SAMD15: variants seen among roughly 807,000 people sequenced by gnomAD.
SAMD15 encodes sterile alpha motif domain-containing protein 15.
A neutral mutation model predicts 50.5 loss-of-function variants in SAMD15; 37 were observed. That is an observed-to-expected ratio of 0.73 (90% CI 0.56 to 0.96). The LOEUF (loss-of-function observed/expected upper bound fraction) is 0.96, where lower values mean the gene tolerates loss of function less well. Among genes scored for constraint, SAMD15 ranks in the 40% least tolerant of loss-of-function variants. The probability of loss-of-function intolerance (pLI) is 0.00; values close to 1 mark genes in which losing one functional copy is unlikely to be tolerated. For synonymous variants in SAMD15, 255 were observed against 282.8 expected, an observed-to-expected ratio of 0.90 and a Z score of 0.99; for missense variants, 789 against 783.8, an observed-to-expected ratio of 1.01 and a Z score of -0.08.
At chr14:77,384,718 G>A (rs112845578) in intron 2 of SAMD15, among the ~76,000 whole-genome samples, 14 of 152,230 alleles carry the variant, frequency 9.2e-5, no homozygotes, top group African/African-American at 3.4e-4. Context: ...TCAGAGGATG[G>A]TATTTAGAAA....
Position 77,378,949 on chromosome 14 carries a change from A to C in SAMD15, c.1531A>C (p.Lys511Gln). 1 of 1,614,170 alleles carries C rather than the reference A, an allele frequency of 6.2e-7. No homozygotes were observed. The highest frequency in any genetic ancestry group is 2.2e-5 in the East Asian group (1 of 44,878). Residue 511 changes from lysine (K) to glutamine (Q), a missense_variant, in exon 1 of 3, where the codon AAG becomes CAG. Lys to Gln is a moderately conservative substitution (Grantham distance 53). This residue lies in a region of SAMD15 where 770 missense variants were observed against 745.4 expected (regional missense o/e 1.03). Coordinates refer to ENST00000216471, the MANE Select transcript of SAMD15 (RefSeq NM_001010860.4). The stretch of plus-strand genomic sequence containing the variant: ...AGAATTAAGTGAGTTCGTTCATGAA[A>C]AGGAAGTTGTAGATTTGTCCCAAGA... ...QTELSEFVHE[K>Q]EVVDLSQELK...
intron 1 of SAMD15, among the ~76,000 whole-genome samples, chr14:77,379,741 G>A (rs1012671014): frequency 1.3e-5 from 2 of 152,148 alleles, no homozygotes; most frequent in Non-Finnish European, 2.9e-5. Context: ...TTTGTTCAAG[G>A]TAGGCTTTTT....
At chr14:77,383,873 A>C (rs1285646758) in intron 2 of SAMD15, among the ~76,000 whole-genome samples, 1 of 151,284 alleles carries the variant, frequency 6.6e-6, no homozygotes, top group Admixed American at 6.6e-5. Context: ...GGGAGGCTGA[A>C]GCAGGCGAAT....
chr14:77,379,071 A>C lies in SAMD15; in HGVS notation c.1653A>C (p.Ala551=). The C allele has an allele frequency of 6.2e-7, 1 of 1,613,886 alleles. No homozygotes were observed. The highest frequency in any genetic ancestry group is 8.5e-7 in the Non-Finnish European group (1 of 1,179,732). ...TTAATTGGGATCCAGAGGAAGTTGCAGAGTGGATTAGCCAGCTAGGCTTCC... is the reference window on the plus strand; with the variant it reads ...TTAATTGGGATCCAGAGGAAGTTGCCGAGTGGATTAGCCAGCTAGGCTTCC... ...EHLNWDPEEV[A]EWISQLGFPQ... is the part of the protein sequence containing the mutation. Residue 551 remains alanine (A), a synonymous_variant, in exon 1 of 3, where the codon GCA becomes GCC. Transcript: ENST00000216471.
intron 2 of SAMD15, among the ~76,000 whole-genome samples, chr14:77,386,178 T>C (rs1364327280): frequency 6.6e-6 from 1 of 152,068 alleles, no homozygotes; most frequent in East Asian, 1.9e-4. Context: ...TTTTTAAAAG[T>C]TTGCATGCAG....
chr14:77,389,496 A>ATTTT (rs768983521), intron 2 of SAMD15, among the ~76,000 whole-genome samples: 15,452 of 111,366 alleles, frequency 0.14, 1,557 homozygotes, highest in Admixed American at 0.21. Context: ...GGCAATCACA[A>ATTTT]TTTTTTTTTT....
rs1009147550 is a variant in SAMD15 at position 77,378,839 on chromosome 14, C to A, written c.1421C>A (p.Thr474Lys). ...AGAGAAAGTGAAGAATCAATTGGTA[C>A]ACATTATGAGTTTTTGCAACCACTC... ...SLRESEESIG[T>K]HYEFLQPLQK... Residue 474 changes from threonine to lysine, a missense_variant, in exon 1 of 3, where the codon ACA (threonine) becomes AAA (lysine). This residue lies in a region of SAMD15 where 770 missense variants were observed against 745.4 expected (regional missense o/e 1.03). Coordinates refer to ENST00000216471, the MANE Select transcript of SAMD15 (RefSeq NM_001010860.4). 6.2e-7 allele frequency: 1 copy of A among 1,613,904 alleles called. No homozygotes were observed. The highest frequency in any genetic ancestry group is 8.5e-7 in the Non-Finnish European group (1 of 1,179,938).
chr14:77,389,905 C>T (rs1053664382), intron 2 of SAMD15, among the ~76,000 whole-genome samples: 3 of 152,122 alleles, frequency 2.0e-5, no homozygotes, highest in Admixed American at 6.5e-5. Flanking sequence ...TTTTAGAATA[C>T]ACAAGTATAA....
chr14:77,378,334 G>A lies in SAMD15; in HGVS notation c.916G>A (p.Glu306Lys), dbSNP rs369178842. 12 of 1,612,702 alleles carry A rather than the reference G, an allele frequency of 7.4e-6. No homozygotes were observed. The highest frequency in any genetic ancestry group is 1.7e-5 in the Admixed American group (1 of 59,566). ...ATEEKGTELP[E>K]RTKPDFPDHK... ...TGAGGAGAAAGGGACAGAACTACCTGAGCGGACTAAACCAGACTTTCCAGA... is the reference window on the plus strand; with the variant it reads ...TGAGGAGAAAGGGACAGAACTACCTAAGCGGACTAAACCAGACTTTCCAGA... Residue 306 changes from glutamate to lysine, a missense_variant, in exon 1 of 3, where the codon GAG becomes AAG. Physicochemically the swap from Glu to Lys is moderately conservative, Grantham distance 56. This residue lies in a region of SAMD15 where 770 missense variants were observed against 745.4 expected (regional missense o/e 1.03). Coordinates refer to ENST00000216471, the MANE Select transcript of SAMD15 (RefSeq NM_001010860.4).
At chr14:77,382,071 G>A (rs1199104824) in intron 2 of SAMD15, among the ~76,000 whole-genome samples, 2 of 151,690 alleles carry the variant, frequency 1.3e-5, no homozygotes, top group Non-Finnish European at 2.9e-5. Flanking sequence ...CAAGTAGCTG[G>A]GACTACAGGT....
chr14:77,388,382 CGTGTGTGTGTGTGTGT>C (rs376913427), intron 2 of SAMD15, among the ~76,000 whole-genome samples: 18 of 133,166 alleles, frequency 1.4e-4, no homozygotes, highest in African/African-American at 3.2e-4. Flanking sequence ...GCCACCTGTT[CGTGTGTGTGTGTGTGT>C]GTGTGTGTGT....
rs771978459 is a variant in SAMD15 at position 77,391,065 on chromosome 14, T to C, written c.1846T>C (p.Ser616Pro). 2.5e-6 allele frequency: 4 copies of C among 1,613,990 alleles called. No individual in the cohort carries two copies. The African/African-American group carries it at 5.3e-5, about 22-fold the overall frequency. Residue 616 changes from serine (S) to proline (P), a missense_variant, in exon 3 of 3, where the codon TCC becomes CCC. Physicochemically the swap from Ser to Pro is moderately conservative, Grantham distance 74. Coordinates refer to ENST00000216471, the MANE Select transcript of SAMD15 (RefSeq NM_001010860.4). ...AATTGAAGAGCCATTATTCAAACGC[T>C]CCATCAGCCTTCCCTATAGGGATAT... ...LEIEEPLFKR[S>P]ISLPYRDIIG...
In SAMD15 at chr14:77,378,413, T is replaced by C; in HGVS notation, c.995T>C (p.Ile332Thr). 2 of 1,613,790 alleles carry C rather than the reference T, an allele frequency of 1.2e-6. No homozygotes were observed. The highest frequency in any genetic ancestry group is 1.7e-6 in the Non-Finnish European group (2 of 1,179,978). Residue 332 changes from isoleucine to threonine, a missense_variant, in exon 1 of 3, where the codon ATC becomes ACC. Ile to Thr is a moderately conservative substitution (Grantham distance 89, BLOSUM62 -1). Around this residue, in one of 2 missense-constraint regions of SAMD15, gnomAD observed 770 missense variants for 745.4 expected, o/e 1.03. Coordinates refer to ENST00000216471, the MANE Select transcript of SAMD15 (RefSeq NM_001010860.4). ...DENVPEPLEE[I>T]KLEFPEEESR... ...AACGTTCCTGAGCCACTAGAAGAGA[T>C]CAAATTAGAGTTTCCTGAGGAAGAA...
At chr14:77,386,137 T>C (rs1166346543) in intron 2 of SAMD15, among the ~76,000 whole-genome samples, 3 of 152,154 alleles carry the variant, frequency 2.0e-5, no homozygotes, top group Non-Finnish European at 4.4e-5. Flanking sequence ...ATTACAGGCA[T>C]GAACCACTGC....
chr14:77,383,522 A>G (rs1038504852), intron 2 of SAMD15, among the ~76,000 whole-genome samples: 1 of 152,216 alleles, frequency 6.6e-6, no homozygotes, highest in African/African-American at 2.4e-5. Context: ...CTGTCCTTTT[A>G]TCTAAGAAAT....
chr14:77,384,592 T>G (rs1341257935), intron 2 of SAMD15, among the ~76,000 whole-genome samples: 1 of 152,210 alleles, frequency 6.6e-6, no homozygotes, highest in Non-Finnish European at 1.5e-5. Flanking sequence ...GTCCTCCCTT[T>G]TTTTTAAAGC....
rs1161940255 is a variant in SAMD15 at position 77,391,024 on chromosome 14, C to T, written c.1805C>T (p.Thr602Met). ...FEDMKAISRH[T>M]QELLEIEEPL... ...GCGTTTCAGGCAATTTCTCGGCATA[C>T]GCAGGAGCTCCTGGAAATTGAAGAG... Residue 602 changes from threonine (T) to methionine (M), a missense_variant, in exon 3 of 3, where the codon ACG becomes ATG. Around this residue, in one of 2 missense-constraint regions of SAMD15, gnomAD observed 770 missense variants for 745.4 expected, o/e 1.03. Coordinates refer to ENST00000216471, the MANE Select transcript of SAMD15 (RefSeq NM_001010860.4). 6 of 1,611,136 alleles carry T rather than the reference C, an allele frequency of 3.7e-6. No individual in the cohort carries two copies. Among genetic ancestry groups the T allele is most frequent in the Middle Eastern group, 1.6e-4 (1 of 6,074 alleles).
At chr14:77,388,382 C>CCTGT (rs1458611767) in intron 2 of SAMD15, among the ~76,000 whole-genome samples, 5 of 133,068 alleles carry the variant, frequency 3.8e-5, no homozygotes, top group Non-Finnish European at 6.4e-5. Flanking sequence ...GCCACCTGTT[C>CCTGT]GTGTGTGTGT....
At chr14:77,384,042 G>A (rs1893978314) in intron 2 of SAMD15, among the ~76,000 whole-genome samples, 1 of 150,714 alleles carries the variant, frequency 6.6e-6, no homozygotes, top group Non-Finnish European at 1.5e-5. Flanking sequence ...CTTCTAGGAG[G>A]TCATACATGC....
Sources: allele counts gnomAD v4.1 joint callset (sites outside exome capture counted in the v4.1 genomes callset), GRCh38; gene constraint gnomAD v4.1.1; regional missense constraint gnomAD v4.1.1; transcripts MANE v1.5; gene names NCBI Gene and HGNC (gene_info 2026-07-23, HGNC 2026-07-21).